ME3: variants seen among roughly 807,000 people sequenced by gnomAD.
ME3 encodes malic enzyme 3, also known as NADP-dependent malic enzyme, mitochondrial.
In ME3, 48 loss-of-function variants were observed where a neutral mutation model predicts 68.9. The ratio of observed to expected loss-of-function variants is 0.70; its 90% CI spans 0.55 to 0.89. The LOEUF is 0.89. Ranked by LOEUF, ME3 falls within the 40% of genes least tolerant of loss-of-function variation. The pLI, the probability that ME3 is intolerant of heterozygous loss-of-function variation, is 0.00. For missense variants in ME3, 675 were observed against 797.4 expected, an observed-to-expected ratio of 0.85 and a Z score of 1.85; for synonymous variants, 320 against 318.8, an observed-to-expected ratio of 1.00 and a Z score of -0.04.
At chr11:86,623,288 G>A (rs1333266783) in intron 2 of ME3, among the ~76,000 whole-genome samples, 1 of 152,126 alleles carries the variant, frequency 6.6e-6, no homozygotes, top group Non-Finnish European at 1.5e-5. Flanking sequence ...GGATATCAGA[G>A]CTCCTGGTTC....
At chr11:86,649,830 A>G (rs1252267512) in intron 2 of ME3, among the ~76,000 whole-genome samples, 1 of 152,192 alleles carries the variant, frequency 6.6e-6, no homozygotes, top group African/African-American at 2.4e-5. Flanking sequence ...AAATGGAAAA[A>G]CGTTCCATGC....
At chr11:86,591,497 C>A (rs1306521372) in intron 2 of ME3, among the ~76,000 whole-genome samples, 4 of 152,172 alleles carry the variant, frequency 2.6e-5, no homozygotes, top group Admixed American at 1.3e-4. Flanking sequence ...CATGTGAGGT[C>A]ACAGCAGGAA....
At chr11:86,610,117 T>G (rs1422655072) in intron 2 of ME3, among the ~76,000 whole-genome samples, 2 of 152,094 alleles carry the variant, frequency 1.3e-5, no homozygotes, top group Non-Finnish European at 2.9e-5. Flanking sequence ...AATGCCTCCA[T>G]GTGTAGTAGA....
chr11:86,604,064 G>T (rs1479845748), intron 2 of ME3, among the ~76,000 whole-genome samples: 1 of 151,122 alleles, frequency 6.6e-6, no homozygotes, highest in Non-Finnish European at 1.5e-5. Context: ...CTGGCACATT[G>T]TGCACATGTA....
At chr11:86,550,663 G>A (rs1249423596) in intron 4 of ME3, among the ~76,000 whole-genome samples, 1 of 152,126 alleles carries the variant, frequency 6.6e-6, no homozygotes. Context: ...CAGAAGGCTG[G>A]TTTGATGATG....
At chr11:86,485,480 T>C (rs1444912190) in intron 7 of ME3, among the ~76,000 whole-genome samples, 3 of 152,214 alleles carry the variant, frequency 2.0e-5, no homozygotes, top group Non-Finnish European at 2.9e-5. Context: ...TGAATTTGCT[T>C]TATTTAGTGG....
chr11:86,583,017 G>C (rs1455277126), intron 2 of ME3, among the ~76,000 whole-genome samples: 1 of 151,986 alleles, frequency 6.6e-6, no homozygotes, highest in Non-Finnish European at 1.5e-5. Flanking sequence ...TTTTTATAGG[G>C]AACAAATTTC....
chr11:86,496,816 A>C (rs550543206), intron 6 of ME3, among the ~76,000 whole-genome samples: 4 of 152,270 alleles, frequency 2.6e-5, no homozygotes, highest in Non-Finnish European at 5.9e-5. Flanking sequence ...CAGATAATTA[A>C]ATTTGAAAAA....
chr11:86,524,115 T>C (rs1291905284), intron 4 of ME3, among the ~76,000 whole-genome samples: 1 of 152,236 alleles, frequency 6.6e-6, no homozygotes, highest in Non-Finnish European at 1.5e-5. Context: ...GCTGTGAACA[T>C]GGCACAGACC....
intron 4 of ME3, among the ~76,000 whole-genome samples, chr11:86,531,986 C>G (rs28850038): frequency 3.2e-5 from 1 of 31,730 alleles, no homozygotes; most frequent in Non-Finnish European, 6.9e-5. Context: ...TTAAAAAAAA[C>G]CAAACCAAAA....
At chr11:86,464,713 A>C (rs1258112259) in intron 8 of ME3, among the ~76,000 whole-genome samples, 1 of 152,170 alleles carries the variant, frequency 6.6e-6, no homozygotes, top group Non-Finnish European at 1.5e-5. Context: ...GTAAATTTTC[A>C]CCATGCTCTT....
intron 2 of ME3, among the ~76,000 whole-genome samples, chr11:86,594,559 G>T (rs1959186201): frequency 6.9e-6 from 1 of 145,466 alleles, no homozygotes; most frequent in Non-Finnish European, 1.5e-5. Flanking sequence ...GCCAGGTGTG[G>T]TGATGCATGC....
chr11:86,641,305 A>G (rs1489702961), intron 2 of ME3, among the ~76,000 whole-genome samples: 3 of 152,240 alleles, frequency 2.0e-5, no homozygotes, highest in African/African-American at 7.2e-5. Context: ...AAAGTACCAC[A>G]GAAAAGGTTA....
At chr11:86,655,981 A>C (rs1488321213) in intron 2 of ME3, among the ~76,000 whole-genome samples, 3 of 152,092 alleles carry the variant, frequency 2.0e-5, no homozygotes, top group African/African-American at 7.2e-5. Context: ...TTATGCAGCC[A>C]AAAGACACAT....
At chr11:86,518,829 AGAG>A (rs1162953548) in intron 4 of ME3, among the ~76,000 whole-genome samples, 1 of 152,206 alleles carries the variant, frequency 6.6e-6, no homozygotes, top group African/African-American at 2.4e-5. Flanking sequence ...CCTTATAAGA[AGAG>A]GAGAAGACAG....
At chr11:86,564,287 T>C (rs1957372509) in intron 2 of ME3, among the ~76,000 whole-genome samples, 1 of 152,174 alleles carries the variant, frequency 6.6e-6, no homozygotes, top group Admixed American at 6.5e-5. Context: ...ATTGTTAAAT[T>C]TTAAGTGTTC....
intron 2 of ME3, among the ~76,000 whole-genome samples, chr11:86,597,052 C>G (rs1045445538): frequency 6.6e-6 from 1 of 152,194 alleles, no homozygotes; most frequent in Non-Finnish European, 1.5e-5. Context: ...ACAGATGGCA[C>G]AGGCAGAGCA....
chr11:86,604,601 T>C (rs971837414), intron 2 of ME3, among the ~76,000 whole-genome samples: 1 of 152,158 alleles, frequency 6.6e-6, no homozygotes, highest in Non-Finnish European at 1.5e-5. Flanking sequence ...TAAAATGATA[T>C]AAATGTAAAT....
intron 2 of ME3, among the ~76,000 whole-genome samples, chr11:86,589,036 G>C (rs1958901743): frequency 6.6e-6 from 1 of 152,194 alleles, no homozygotes; most frequent in South Asian, 2.1e-4. Context: ...GCCCTTAATA[G>C]AAAAGCTTCC....
Sources: gnomAD v4.1 joint callset for allele counts (sites outside exome capture counted in the v4.1 genomes callset) on GRCh38, gnomAD v4.1.1 for gene constraint, MANE v1.5 for transcripts, NCBI Gene and HGNC (gene_info 2026-07-23, HGNC 2026-07-21) for gene names.